MSN: variants seen among roughly 807,000 people sequenced by gnomAD.
MSN encodes the protein moesin, also known as epididymis luminal protein 70.
Under a neutral mutation model 48.0 loss-of-function variants are expected in MSN, and 2 were observed. The observed-to-expected ratio is 0.04, with a 90% CI of 0.02 to 0.13. The LOEUF is 0.13. Among genes scored for constraint, MSN ranks in the 10% least tolerant of loss-of-function variants. The probability of loss-of-function intolerance (pLI) is 1.00; values close to 1 mark genes in which losing one functional copy is unlikely to be tolerated. For missense variants in MSN, 267 were observed against 470.1 expected (o/e 0.57, Z 3.99); for synonymous variants, 146 against 166.9 (o/e 0.87, Z 0.97).
chrX:65,733,676 C>T (rs895344865), intron 7 of MSN, among the ~76,000 whole-genome samples: 4 of 110,112 alleles, frequency 3.6e-5, no homozygotes, highest in South Asian at 3.8e-4. Context: ...TTCCTTCCTT[C>T]CTCTCTCTCT....
chrX:65,683,565 G>A (rs2071080064), intron 1 of MSN, among the ~76,000 whole-genome samples: 2 of 110,391 alleles, frequency 1.8e-5, no homozygotes, highest in African/African-American at 6.6e-5. Flanking sequence ...GAAAAGGGTA[G>A]GGCCAGCATT....
chrX:65,634,647 A>T (rs1029604010), intron 1 of MSN, among the ~76,000 whole-genome samples: 9 of 112,651 alleles, frequency 8.0e-5, no homozygotes, highest in African/African-American at 2.9e-4. Flanking sequence ...AAAAAAAGCC[A>T]TTGAAATCAG....
At chrX:65,669,389 A>G (rs777228221) in intron 1 of MSN, among the ~76,000 whole-genome samples, 194 of 111,384 alleles carry the variant, frequency 1.7e-3, no homozygotes, top group African/African-American at 5.4e-3. Context: ...ACATTGCTCC[A>G]CGGTCTTTCT....
intron 1 of MSN, among the ~76,000 whole-genome samples, chrX:65,636,162 C>T (rs772739921): frequency 2.7e-5 from 3 of 111,533 alleles, no homozygotes; most frequent in South Asian, 3.8e-4. Flanking sequence ...ATCATATTTT[C>T]GGGTGGGGTG....
chrX:65,711,887 C>T (rs940601107), intron 1 of MSN, among the ~76,000 whole-genome samples: 1 of 111,593 alleles, frequency 9.0e-6, no homozygotes, highest in African/African-American at 3.3e-5. Context: ...CAACATCTTG[C>T]ATGAGTACCC....
intron 1 of MSN, among the ~76,000 whole-genome samples, chrX:65,715,827 G>T (rs1223453608): frequency 9.0e-6 from 1 of 111,484 alleles, no homozygotes; most frequent in African/African-American, 3.3e-5. Flanking sequence ...TTCTTTCTCT[G>T]GTCTGATTGC....
At chrX:65,681,501 C>G (rs904909675) in intron 1 of MSN, among the ~76,000 whole-genome samples, 5 of 111,734 alleles carry the variant, frequency 4.5e-5, no homozygotes, top group Admixed American at 1.9e-4. Flanking sequence ...GTAGGGCATA[C>G]TAACCACTAG....
At chrX:65,673,419 T>C (rs972233166) in intron 1 of MSN, among the ~76,000 whole-genome samples, 8 of 111,032 alleles carry the variant, frequency 7.2e-5, no homozygotes, top group Non-Finnish European at 1.5e-4. Flanking sequence ...ATAAAGTATC[T>C]ACCACCAGTG....
chrX:65,731,906 G>C lies in MSN; in HGVS notation c.620G>C (p.Ser207Thr), dbSNP rs2071626279. 1 of 1,208,249 alleles carries C rather than the reference G, an allele frequency of 8.3e-7. No individual in the cohort carries two copies. Among genetic ancestry groups the C allele is most frequent in the Non-Finnish European group, 1.1e-6 (1 of 894,756 alleles). The change falls in exon 6 of 13, where the codon AGC (serine) becomes ACC (threonine). Residue 207 changes from serine to threonine, a missense_variant. This residue lies in a region of MSN where 2 missense variants were observed against 22.6 expected (regional missense o/e 0.09). Coordinates refer to ENST00000360270, the MANE Select transcript of MSN (RefSeq NM_002444.3). ...DLEMYGVNYFSIKNKKGSELW... is the reference protein window; with the variant it reads ...DLEMYGVNYFTIKNKKGSELW... ...GAGATGTATGGTGTGAACTACTTCAGCATCAAGAACAAGAAAGGCTCAGAG... is the reference window on the plus strand; with the variant it reads ...GAGATGTATGGTGTGAACTACTTCACCATCAAGAACAAGAAAGGCTCAGAG...
intron 2 of MSN, 70 bp downstream of exon 2, chrX:65,716,971 A>G: frequency 1.0e-6 from 1 of 956,727 alleles, no homozygotes; most frequent in Non-Finnish European, 1.5e-6. Context: ...ACAATCCATG[A>G]CTTTTGCCTC....
At chrX:65,623,368 C>CTTTTTT (rs773663630) in intron 1 of MSN, among the ~76,000 whole-genome samples, 3 of 74,165 alleles carry the variant, frequency 4.0e-5, no homozygotes, top group Admixed American at 1.5e-4. Context: ...TCTTTCTTTT[C>CTTTTTT]TTTTTTTTTT....
intron 1 of MSN, among the ~76,000 whole-genome samples, chrX:65,715,025 A>G (rs1377076183): frequency 8.0e-5 from 9 of 112,120 alleles, no homozygotes; most frequent in Non-Finnish European, 1.7e-4. Flanking sequence ...TCCAGTTTCA[A>G]TCTTCTACAT....
chrX:65,695,024 C>A (rs1197018329), intron 1 of MSN, among the ~76,000 whole-genome samples: 1 of 111,884 alleles, frequency 8.9e-6, no homozygotes, highest in African/African-American at 3.3e-5. Flanking sequence ...TGGGGCCCAC[C>A]TCAGGCCCTT....
chrX:65,696,215 G>A (rs1261935078), intron 1 of MSN, among the ~76,000 whole-genome samples: 1 of 91,406 alleles, frequency 1.1e-5, no homozygotes, highest in Non-Finnish European at 1.9e-5. Flanking sequence ...GCCCTCACGT[G>A]CTTGCTCATT....
At chrX:65,735,920 G>A (rs1396677402) in intron 8 of MSN, among the ~76,000 whole-genome samples, 2 of 111,696 alleles carry the variant, frequency 1.8e-5, no homozygotes, top group Admixed American at 1.9e-4. Context: ...TATTCTGAGG[G>A]CCCAGATGGA....
intron 2 of MSN, among the ~76,000 whole-genome samples, chrX:65,725,866 T>C (rs1178210163): frequency 8.9e-6 from 1 of 112,040 alleles, no homozygotes; most frequent in Non-Finnish European, 1.9e-5. Flanking sequence ...ATTTGCAAAA[T>C]AACCTTGTAA....
At chrX:65,657,751 G>T (rs1340583518) in intron 1 of MSN, among the ~76,000 whole-genome samples, 4 of 111,506 alleles carry the variant, frequency 3.6e-5, no homozygotes, top group Non-Finnish European at 7.5e-5. Flanking sequence ...AGGTGCGGGG[G>T]TGATGCGAAT....
chrX:65,651,700 G>T (rs2070743947), intron 1 of MSN, among the ~76,000 whole-genome samples: 1 of 107,224 alleles, frequency 9.3e-6, no homozygotes, highest in African/African-American at 3.4e-5. Context: ...CGATTCTCCT[G>T]CTTCAGCCTC....
At chrX:65,609,968 C>T (rs1419223644) in intron 1 of MSN, among the ~76,000 whole-genome samples, 1 of 111,736 alleles carries the variant, frequency 8.9e-6, no homozygotes, top group Non-Finnish European at 1.9e-5. Context: ...CTACTATTTT[C>T]CCGGTACCTA....
Sources: gnomAD v4.1 joint callset for allele counts (sites outside exome capture counted in the v4.1 genomes callset) on GRCh38, gnomAD v4.1.1 for gene constraint, gnomAD v4.1.1 regional missense constraint, MANE v1.5 for transcripts, NCBI Gene and HGNC (gene_info 2026-07-23, HGNC 2026-07-21) for gene names.